IL16: variants seen among roughly 807,000 people sequenced by gnomAD.
The protein encoded by IL16 is interleukin 16, also known as pro-interleukin-16.
A neutral mutation model predicts 110.1 loss-of-function variants in IL16; 67 were observed. The observed-to-expected ratio is 0.61, with a 90% CI of 0.50 to 0.75. The LOEUF is 0.75. Among genes scored for constraint, IL16 ranks in the 30% least tolerant of loss-of-function variants. The probability of loss-of-function intolerance (pLI) is 0.00; values close to 1 mark genes in which losing one functional copy is unlikely to be tolerated. For missense variants in IL16, 1,545 were observed against 1,655.0 expected (o/e 0.93, Z 1.15); for synonymous variants, 689 against 662.9 (o/e 1.04, Z -0.61).
At chr15:81,232,042 G>GTTTTTTTTTTTTTATTT (rs1897010406) in intron 2 of IL16, among the ~76,000 whole-genome samples, 1 of 57,694 alleles carries the variant, frequency 1.7e-5, no homozygotes, top group Non-Finnish European at 3.3e-5. Flanking sequence ...ATTTGTTCTT[G>GTTTTTTTTTTTTTATTT]TTTTTTTTTT....
rs376483266 is a variant in IL16, at chr15:81,225,341, G to A, written c.-59G>A. On this transcript the variant is annotated 5_prime_UTR_variant, in exon 2 of 19. Coordinates refer to ENST00000683961, the MANE Select transcript of IL16 (RefSeq NM_172217.5). ...GCTAAGCCCTGTCCAGTGGCCACCC[G>A]TCAGCCAAGGGCCAGAGACCAGGAA... 124 of 1,583,636 alleles carry A rather than the reference G, an allele frequency of 7.8e-5. 1 individual carries two copies. The highest frequency in any genetic ancestry group is 1.1e-4 in the African/African-American group (8 of 74,516).
intron 1 of IL16, among the ~76,000 whole-genome samples, chr15:81,211,644 T>A (rs571681086): frequency 6.6e-6 from 1 of 152,338 alleles, no homozygotes; most frequent in East Asian, 1.9e-4. Context: ...GCTCTTGGCC[T>A]CCCAAAGTGC....
intron 1 of IL16, among the ~76,000 whole-genome samples, chr15:81,190,000 C>A (rs1895474481): frequency 6.6e-6 from 1 of 152,104 alleles, no homozygotes; most frequent in Non-Finnish European, 1.5e-5. Flanking sequence ...CAGCTGGGCA[C>A]CATCCACCTC....
At chr15:81,270,223 A>C (rs935783083) in intron 5 of IL16, among the ~76,000 whole-genome samples, 1 of 152,190 alleles carries the variant, frequency 6.6e-6, no homozygotes, top group Admixed American at 6.5e-5. Flanking sequence ...AAGGGGATAC[A>C]AAAGTATTGG....
At chr15:81,290,392 G>A in intron 10 of IL16, 61 bp from the exon 11 acceptor site, 2 of 1,227,342 alleles carry the variant, frequency 1.6e-6, no homozygotes, top group South Asian at 1.3e-5. Flanking sequence ...CTGGTACGGG[G>A]CTGGGAGCCT....
Position 81,292,805 on chromosome 15 carries a change from T to G in IL16, c.1670T>G (p.Ile557Arg). The change falls in exon 12 of 19, where the codon ATA becomes AGA. Residue 557 changes from isoleucine to arginine, a missense_variant. This residue lies in a region of IL16 where 1,185 missense variants were observed against 1,238.8 expected (regional missense o/e 0.96). Coordinates refer to ENST00000683961, the MANE Select transcript of IL16 (RefSeq NM_172217.5). Reference protein sequence around the residue: ...PLAREPVVLSIASSRLPQESP... With the variant: ...PLAREPVVLSRASSRLPQESP... The stretch of plus-strand genomic sequence containing the variant: ...GCACGGGAGCCAGTGGTGCTTTCTA[T>G]AGCATCCTCCAGGCTGCCCCAGGAG... The G allele has an allele frequency of 6.2e-7, 1 of 1,614,056 alleles. No individual in the cohort carries two copies. The highest frequency in any genetic ancestry group is 8.5e-7 in the Non-Finnish European group (1 of 1,180,016).
chr15:81,269,581 T>C lies in IL16; in HGVS notation c.608T>C (p.Val203Ala), dbSNP rs1898543081. 6.2e-7 allele frequency: 1 copy of C among 1,614,198 alleles called. No individual in the cohort carries two copies. The highest frequency in any genetic ancestry group is 1.3e-5 in the African/African-American group (1 of 75,062). Reference sequence around the variant, plus strand: ...CGGTCCCTGAGCACAGCTCAGCTCGTGCAGCCATCTGGGGGCCTCCAGGCT... The same window carrying C: ...CGGTCCCTGAGCACAGCTCAGCTCGCGCAGCCATCTGGGGGCCTCCAGGCT... ...PTRSLSTAQL[V>A]QPSGGLQASV... Residue 203 changes from valine to alanine, a missense_variant, in exon 5 of 19, where the codon GTG (valine) becomes GCG (alanine). Physicochemically the swap from Val to Ala is moderately conservative, Grantham distance 64. Around this residue, in one of 3 missense-constraint regions of IL16, gnomAD observed 1,185 missense variants for 1,238.8 expected, o/e 0.96. Transcript: ENST00000683961.
intron 1 of IL16, among the ~76,000 whole-genome samples, chr15:81,215,737 A>C (rs1334849749): frequency 6.6e-6 from 1 of 152,052 alleles, no homozygotes; most frequent in African/African-American, 2.4e-5. Flanking sequence ...CCGGGAACCC[A>C]TTTGTCTCAC....
intron 9 of IL16, 121 bp downstream of exon 9, chr15:81,282,877 A>C: frequency 1.2e-6 from 1 of 851,760 alleles, no homozygotes; most frequent in Non-Finnish European, 1.9e-6. Context: ...GGTGGAGATC[A>C]GCCGCTCCGC....
At chr15:81,202,510 G>A (rs1422904599) in intron 1 of IL16, among the ~76,000 whole-genome samples, 4 of 140,890 alleles carry the variant, frequency 2.8e-5, no homozygotes, top group African/African-American at 8.1e-5. Context: ...AGTGTGTGAT[G>A]TTCCCCTTCC....
intron 2 of IL16, among the ~76,000 whole-genome samples, chr15:81,250,968 C>T (rs538196079): frequency 6.6e-6 from 1 of 152,278 alleles, no homozygotes; most frequent in East Asian, 1.9e-4. Flanking sequence ...TTCCCAATAT[C>T]CCATAAGGCT....
rs778475073 is a variant in IL16, at chr15:81,313,240, A to C, written c.*4442A>C. ...GATGAGTCACGGGAGTTCTTTGCCA[A>C]GAAGTAACGATAGCATTACTCATGG... On this transcript the variant is annotated 3_prime_UTR_variant, in exon 19 of 19. Coordinates refer to ENST00000683961, the MANE Select transcript of IL16 (RefSeq NM_172217.5). The C allele has an allele frequency of 1.3e-6, 2 of 1,531,984 alleles. No homozygotes were observed. The highest frequency in any genetic ancestry group is 2.5e-5 in the South Asian group (2 of 79,488). The allele number at this position is 1,531,984 out of a possible 1,614,324, so 94.9% of individuals were successfully genotyped here.
intron 2 of IL16, among the ~76,000 whole-genome samples, chr15:81,235,023 C>A (rs1004081212): frequency 6.6e-6 from 1 of 152,102 alleles, no homozygotes; most frequent in African/African-American, 2.4e-5. Flanking sequence ...TGTTCATCAC[C>A]ACTAGGGGCC....
At chr15:81,260,060 C>T (rs565638882) in intron 3 of IL16, among the ~76,000 whole-genome samples, 180 bp downstream of exon 3, 157 of 152,282 alleles carry the variant, frequency 1.0e-3, no homozygotes, top group African/African-American at 3.8e-3. Flanking sequence ...CTAGCCAGCT[C>T]TCCTCATGGC....
intron 10 of IL16, among the ~76,000 whole-genome samples, chr15:81,288,848 T>TGTGC (rs544352797): frequency 6.6e-6 from 1 of 150,754 alleles, no homozygotes; most frequent in Non-Finnish European, 1.5e-5. Context: ...TGTGTGTGTG[T>TGTGC]GCGTGTGTGT....
chr15:81,269,984 A>G (rs891008107), intron 5 of IL16, among the ~76,000 whole-genome samples: 1 of 152,206 alleles, frequency 6.6e-6, no homozygotes, highest in Non-Finnish European at 1.5e-5. Flanking sequence ...GTTTACATAG[A>G]TTTCTGGATC....
At chr15:81,266,107 G>A (rs1898373382) in intron 4 of IL16, among the ~76,000 whole-genome samples, 1 of 152,222 alleles carries the variant, frequency 6.6e-6, no homozygotes, top group African/African-American at 2.4e-5. Flanking sequence ...ATGGCTTTGC[G>A]TGGATCGCTT....
chr15:81,232,481 G>A (rs1376583463), intron 2 of IL16, among the ~76,000 whole-genome samples: 1 of 151,964 alleles, frequency 6.6e-6, no homozygotes, highest in Non-Finnish European at 1.5e-5. Flanking sequence ...TTTTTTTGTA[G>A]CTACCCTTCA....
intron 2 of IL16, among the ~76,000 whole-genome samples, chr15:81,248,556 CTT>C (rs1216821841): frequency 6.7e-6 from 1 of 149,908 alleles, no homozygotes; most frequent in Non-Finnish European, 1.5e-5. Context: ...TATTTAACCT[CTT>C]AAATTATAAG....
Sources: gnomAD v4.1 joint callset for allele counts (sites outside exome capture counted in the v4.1 genomes callset) on GRCh38, gnomAD v4.1.1 for gene constraint, gnomAD v4.1.1 regional missense constraint, MANE v1.5 for transcripts, NCBI Gene and HGNC (gene_info 2026-07-23, HGNC 2026-07-21) for gene names.